The following PTPRN2 variants were observed in gnomAD, a reference collection of about 807,000 sequenced individuals.
The protein encoded by PTPRN2 is protein tyrosine phosphatase receptor type N2.
PTPRN2 carries 74 observed loss-of-function variants against 118.8 expected under a neutral mutation model. The ratio of observed to expected loss-of-function variants is 0.62; its 90% confidence interval spans 0.52 to 0.76. PTPRN2 has a LOEUF of 0.76. PTPRN2 is among the 30% of genes least tolerant of loss of function. PTPRN2 has a pLI of 0.00. For synonymous variants in PTPRN2, 641 were observed against 608.0 expected (o/e 1.05, Z -0.80); for missense variants, 1,481 against 1,394.4 (o/e 1.06, Z -0.99).
In PTPRN2 at chr7:157,757,590, G is replaced by T. The variant is rs189461312; in HGVS notation, c.1789-74653C>A. Reference sequence around the variant, plus strand: ...GATGCAAGCACTTGGCAGTTAGCGGGCTATGAGGATCTTTTCTATCTCGAA... The same window carrying T: ...GATGCAAGCACTTGGCAGTTAGCGGTCTATGAGGATCTTTTCTATCTCGAA... On this transcript the variant is annotated intron_variant, in intron 12 of 22. Coordinates refer to ENST00000389418, the MANE Select transcript of PTPRN2 (RefSeq NM_002847.5). Among the ~76,000 whole-genome samples the T allele has an allele frequency of 2.6e-3, 388 of 151,850 alleles. 2 individuals carry two copies. Among genetic ancestry groups the T allele is most frequent in the African/African-American group, 9.2e-3 (382 of 41,378 alleles).
At chr7:158,532,600 TAA>T in intron 1 of PTPRN2, 1 of 420,482 alleles carries the variant, frequency 2.4e-6, no homozygotes, top group East Asian at 6.3e-5. Context: ...AAAACATGGG[TAA>T]AAAGTAAGAA....
intron 3 of PTPRN2, among the ~76,000 whole-genome samples, chr7:158,211,217 G>A (rs949207240): frequency 2.0e-5 from 3 of 152,012 alleles, no homozygotes; most frequent in South Asian, 2.1e-4. Context: ...ACTATGAAAC[G>A]ACTAAAAGAA....
At chr7:158,273,910 GGGA>G (rs1444682546) in intron 3 of PTPRN2, among the ~76,000 whole-genome samples, 1 of 124,768 alleles carries the variant, frequency 8.0e-6, no homozygotes, top group Non-Finnish European at 1.7e-5. Context: ...AGACAGACGC[GGGA>G]GGAGCCGCAG....
At chr7:157,946,272 G>A (rs144202955) in intron 11 of PTPRN2, among the ~76,000 whole-genome samples, 10 of 151,678 alleles carry the variant, frequency 6.6e-5, no homozygotes, top group South Asian at 2.1e-4. Context: ...CTCTTTCTGC[G>A]TTTGAGAAGA....
At chr7:157,933,446 G>A (rs1398096351) in intron 11 of PTPRN2, among the ~76,000 whole-genome samples, 4 of 150,318 alleles carry the variant, frequency 2.7e-5, no homozygotes, top group African/African-American at 9.8e-5. Flanking sequence ...CAGTTTTAGA[G>A]GAGGGGTGAG....
chr7:157,854,127 C>T (rs896439238), intron 12 of PTPRN2, among the ~76,000 whole-genome samples: 1 of 152,246 alleles, frequency 6.6e-6, no homozygotes, highest in Non-Finnish European at 1.5e-5. Context: ...TCACAGCAGC[C>T]AAGGCCACTG....
chr7:158,274,109 A>AGGAGCCGCAGACACGG (rs1160634557), intron 3 of PTPRN2, among the ~76,000 whole-genome samples: 1 of 77,114 alleles, frequency 1.3e-5, no homozygotes, highest in Non-Finnish European at 2.4e-5. Flanking sequence ...CAGACATGGG[A>AGGAGCCGCAGACACGG]GGAGCCGCAG....
chr7:157,604,053 C>T lies in PTPRN2; in HGVS notation c.2367G>A (p.Leu789=). Residue 789 remains leucine, a synonymous_variant, in exon 16 of 23, where the codon CTG becomes CTA. Coordinates refer to ENST00000389418, the MANE Select transcript of PTPRN2 (RefSeq NM_002847.5). ...VLTYDHSRVL[L]KAENSHSHSD... ...AGTGGCTGTGGCTGTTCTCCGCCTTCAGCAGGACCCGGGAGTGGTCATCTG... is the reference window on the plus strand; with the variant it reads ...AGTGGCTGTGGCTGTTCTCCGCCTTTAGCAGGACCCGGGAGTGGTCATCTG... The T allele has an allele frequency of 6.2e-7, 1 of 1,613,844 alleles. No homozygotes were observed. Among genetic ancestry groups the T allele is most frequent in the Non-Finnish European group, 8.5e-7 (1 of 1,180,012 alleles).
intron 3 of PTPRN2, among the ~76,000 whole-genome samples, chr7:158,241,953 G>C (rs1400652827): frequency 6.6e-6 from 1 of 152,208 alleles, no homozygotes; most frequent in Non-Finnish European, 1.5e-5. Context: ...TTTCTAGACA[G>C]CACAGTCGCA....
At chr7:158,146,591 G>A (rs369329607) in intron 6 of PTPRN2, among the ~76,000 whole-genome samples, 89 of 150,796 alleles carry the variant, frequency 5.9e-4, no homozygotes, top group African/African-American at 2.0e-3. Flanking sequence ...CGTGGTGGCG[G>A]GCGCCTGTAG....
At chr7:157,567,546 T>A (rs1178225959) in intron 21 of PTPRN2, among the ~76,000 whole-genome samples, 1 of 152,036 alleles carries the variant, frequency 6.6e-6, no homozygotes, top group Non-Finnish European at 1.5e-5. Context: ...TTTTTTTTTT[T>A]AACCAGAAGA....
chr7:157,948,647 AAG>A (rs1800626734), intron 11 of PTPRN2, among the ~76,000 whole-genome samples: 1 of 152,212 alleles, frequency 6.6e-6, no homozygotes, highest in Non-Finnish European at 1.5e-5. Flanking sequence ...CACCAATTAA[AAG>A]AGAGACTGAC....
At chr7:158,153,757 A>G (rs1821427001) in intron 6 of PTPRN2, among the ~76,000 whole-genome samples, 1 of 152,112 alleles carries the variant, frequency 6.6e-6, no homozygotes, top group Non-Finnish European at 1.5e-5. Context: ...CATCTGATTG[A>G]CAAATTTACA....
intron 10 of PTPRN2, among the ~76,000 whole-genome samples, chr7:158,082,445 T>G (rs529987491): frequency 6.6e-6 from 1 of 152,250 alleles, no homozygotes; most frequent in Admixed American, 6.5e-5. Flanking sequence ...CTTGGGATTT[T>G]TGCTCATTCT....
intron 2 of PTPRN2, among the ~76,000 whole-genome samples, chr7:158,341,539 G>A (rs28412053): frequency 2.1e-5 from 1 of 46,610 alleles, no homozygotes; most frequent in Admixed American, 2.0e-4. Context: ...ACCATAAGAG[G>A]TGACATCTGC....
intron 12 of PTPRN2, among the ~76,000 whole-genome samples, chr7:157,850,073 A>G (rs1023345964): frequency 1.3e-5 from 2 of 152,260 alleles, no homozygotes; most frequent in African/African-American, 4.8e-5. Flanking sequence ...AAATTGCCAG[A>G]TAAAATTTGC....
intron 12 of PTPRN2, among the ~76,000 whole-genome samples, chr7:157,791,560 C>T (rs1004714940): frequency 2.0e-5 from 3 of 148,736 alleles, no homozygotes; most frequent in Admixed American, 1.3e-4. Flanking sequence ...CCTGCCCCCC[C>T]TCCCTGCACC....
chr7:158,453,603 GC>G (rs1818241681), intron 2 of PTPRN2, among the ~76,000 whole-genome samples: 1 of 101,154 alleles, frequency 9.9e-6, no homozygotes, highest in African/African-American at 3.5e-5. Flanking sequence ...GGCTACTGTT[GC>G]CCCTGGGTGA....
intron 2 of PTPRN2, among the ~76,000 whole-genome samples, chr7:158,322,379 T>G (rs7779781): frequency 8.6e-5 from 13 of 151,838 alleles, no homozygotes; most frequent in African/African-American, 1.4e-4. Context: ...CAGAGGGCAC[T>G]GACCTCACCC....
Sources: gnomAD v4.1 joint callset for allele counts (sites outside exome capture counted in the v4.1 genomes callset) on GRCh38, gnomAD v4.1.1 for gene constraint, MANE v1.5 for transcripts, NCBI Gene and HGNC (gene_info 2026-07-23, HGNC 2026-07-21) for gene names.